Variants in SND1 observed in about 807,000 individuals in gnomAD.
SND1 encodes the protein staphylococcal nuclease and tudor domain containing 1.
Under a neutral mutation model 121.7 loss-of-function variants are expected in SND1, and 38 were observed. That is an observed-to-expected ratio of 0.31 (90% confidence interval 0.24 to 0.41). SND1 has a LOEUF of 0.41. Ranked by LOEUF, SND1 falls within the 10% of genes least tolerant of loss-of-function variation. The probability of loss-of-function intolerance (pLI) is 1.00; values close to 1 mark genes in which losing one functional copy is unlikely to be tolerated. For synonymous variants in SND1, 401 were observed against 447.4 expected (o/e 0.90, Z 1.31); for missense variants, 868 against 1,184.6 (o/e 0.73, Z 3.92).
At chr7:127,987,494 C>T (rs1802421424) in intron 15 of SND1, among the ~76,000 whole-genome samples, 1 of 152,170 alleles carries the variant, frequency 6.6e-6, no homozygotes, top group South Asian at 2.1e-4. Flanking sequence ...CTTTTTGGCT[C>T]AGAATGTTAC....
At chr7:127,814,835 G>A (rs1045785726) in intron 11 of SND1, among the ~76,000 whole-genome samples, 1 of 152,128 alleles carries the variant, frequency 6.6e-6, no homozygotes, top group East Asian at 1.9e-4. Flanking sequence ...ATGCACAAGT[G>A]TCTGTTGGTT....
At position 127,922,192 on chromosome 7, in the gene SND1, T is replaced by TG. The variant is rs1432959209; in HGVS notation, c.1528-6996_1528-6995insG. On this transcript the variant is annotated intron_variant, in intron 14 of 23. Coordinates refer to ENST00000354725, the MANE Select transcript of SND1 (RefSeq NM_014390.4). ...TTTCTTTCCTTTTTTTTTTTTTTTT[T>TG]TTTTTTTTTTTGTTTTGTGAGGCAA... Among the ~76,000 whole-genome samples the TG allele has an allele frequency of 9.3e-4, 102 of 109,236 alleles. 1 individual carries two copies. Among genetic ancestry groups the TG allele is most frequent in the African/African-American group, 2.9e-3 (87 of 30,410 alleles). The allele number at this position is 109,236 out of a possible 152,430, so 71.7% of individuals were successfully genotyped here. A position where few individuals can be genotyped will look rare whatever the true frequency, so the allele number is the denominator to read the frequency against.
At chr7:128,072,272 G>A (rs1793426239) in intron 16 of SND1, among the ~76,000 whole-genome samples, 1 of 152,196 alleles carries the variant, frequency 6.6e-6, no homozygotes, top group Non-Finnish European at 1.5e-5. Flanking sequence ...AGCCACACTG[G>A]CCCACCACAA....
intron 12 of SND1, among the ~76,000 whole-genome samples, chr7:127,869,351 G>A (rs1799536313): frequency 6.6e-6 from 1 of 152,168 alleles, no homozygotes; most frequent in Non-Finnish European, 1.5e-5. Flanking sequence ...CAGACCTGTA[G>A]GCTGTACATG....
intron 16 of SND1, chr7:128,030,532 C>G: frequency 1.2e-6 from 2 of 1,613,288 alleles, no homozygotes; most frequent in South Asian, 2.2e-5. Context: ...GAGGCGGCAG[C>G]AGCGATGGCT....
intron 10 of SND1, among the ~76,000 whole-genome samples, chr7:127,760,054 C>T (rs1372639542): frequency 2.0e-5 from 3 of 152,274 alleles, no homozygotes; most frequent in South Asian, 2.1e-4. Context: ...GGCTTGGTTT[C>T]GGACTCCTCA....
chr7:127,979,969 T>C (rs1046784909), intron 15 of SND1, among the ~76,000 whole-genome samples: 5 of 152,206 alleles, frequency 3.3e-5, no homozygotes, highest in African/African-American at 1.2e-4. Flanking sequence ...CAAATGCCAT[T>C]CTTGACCCAC....
In SND1 at chr7:128,029,626, A is replaced by T; in HGVS notation, c.1779+38570A>T. 6.2e-7 allele frequency: 1 copy of T among 1,614,056 alleles called. No individual in the cohort carries two copies. The highest frequency in any genetic ancestry group is 8.5e-7 in the Non-Finnish European group (1 of 1,180,016). ...GAGGCCTGGTCCACCTCCACGAGGT[A>T]GCGGCCTCGCATGTGCATGGGAGCA... On this transcript the variant is annotated intron_variant, in intron 16 of 23. Coordinates refer to ENST00000354725, the MANE Select transcript of SND1 (RefSeq NM_014390.4). The surrounding 1 kb of genome is among the most constrained non-coding windows in gnomAD (Gnocchi z 4.2).
At chr7:128,075,734 G>C (rs1394984767) in intron 17 of SND1, among the ~76,000 whole-genome samples, 1 of 152,162 alleles carries the variant, frequency 6.6e-6, no homozygotes. Context: ...TGAAAGGGAC[G>C]GTCAGTGCCC....
chr7:128,031,496 C>A, intron 16 of SND1: 1 of 151,736 alleles, frequency 6.6e-6, no homozygotes. Flanking sequence ...TCGCCCTCCC[C>A]AGACACACAC....
At chr7:127,919,618 T>C (rs993468852) in intron 14 of SND1, among the ~76,000 whole-genome samples, 4 of 152,224 alleles carry the variant, frequency 2.6e-5, no homozygotes, top group African/African-American at 9.6e-5. Flanking sequence ...CTTTATTTTG[T>C]ATTCTCAATG....
intron 12 of SND1, chr7:127,858,143 G>T: frequency 8.3e-6 from 7 of 839,766 alleles, no homozygotes; most frequent in South Asian, 4.0e-5. Flanking sequence ...GAGTGTGGGG[G>T]TGTGGGATTG....
chr7:127,694,834 G>C lies in SND1; in HGVS notation c.235G>C (p.Ala79Pro). 6.2e-7 allele frequency: 1 copy of C among 1,613,908 alleles called. No homozygotes were observed. Among genetic ancestry groups the C allele is most frequent in the Non-Finnish European group, 8.5e-7 (1 of 1,179,870 alleles). Reference sequence around the variant, plus strand: ...TATTTGTTTTGTCTTTCAGCCCTGGGCATTTCCAGCTCGAGAGTTCCTTCG... The same window carrying C: ...TATTTGTTTTGTCTTTCAGCCCTGGCCATTTCCAGCTCGAGAGTTCCTTCG... ...DAKDTPDEPW[A>P]FPAREFLRKK... The change falls in exon 3 of 24, where the codon GCA becomes CCA. Residue 79 changes from alanine (A) to proline (P), a missense_variant. This residue lies in a region of SND1 where 743 missense variants were observed against 1,071.3 expected (regional missense o/e 0.69). Coordinates refer to ENST00000354725, the MANE Select transcript of SND1 (RefSeq NM_014390.4).
rs560131285 is a variant in SND1, at chr7:127,740,277, G to A, written c.1152+18877G>A. ...ATTAGGCATCTATTGAATGGATAAG[G>A]TTTGTAAAAAAGCCATTTTCTTTAG... On this transcript the variant is annotated intron_variant, in intron 10 of 23. Transcript: ENST00000354725. Among the ~76,000 whole-genome samples the A allele has an allele frequency of 3.3e-5, 5 of 152,136 alleles. No individual in the cohort carries two copies. In the South Asian group the frequency reaches 1.0e-3, roughly 31 times the overall value.
intron 16 of SND1, among the ~76,000 whole-genome samples, chr7:127,996,525 G>A (rs1802661556): frequency 6.6e-6 from 1 of 152,116 alleles, no homozygotes; most frequent in African/African-American, 2.4e-5. Context: ...ACAAGAGAGG[G>A]AACACTAGCA....
chr7:127,858,105 T>C (rs1799315249), intron 12 of SND1: 2 of 906,718 alleles, frequency 2.2e-6, no homozygotes, highest in Non-Finnish European at 3.7e-6. Flanking sequence ...GTTCCCCCTC[T>C]GCCACTTCCT....
intron 15 of SND1, among the ~76,000 whole-genome samples, chr7:127,960,925 G>A (rs888132954): frequency 1.3e-5 from 2 of 152,234 alleles, no homozygotes; most frequent in African/African-American, 4.8e-5. Flanking sequence ...CCCAAGAGAA[G>A]TTTGGTCTTG....
At chr7:127,904,649 A>G (rs941750369) in intron 13 of SND1, 98 bp from the exon 14 acceptor site, 7 of 743,016 alleles carry the variant, frequency 9.4e-6, no homozygotes, top group Non-Finnish European at 1.7e-5. Context: ...ATACATCCCC[A>G]CTTTAACAAC....
At chr7:127,684,516 G>A (rs1352945463) in intron 1 of SND1, among the ~76,000 whole-genome samples, 1 of 152,200 alleles carries the variant, frequency 6.6e-6, no homozygotes, top group East Asian at 1.9e-4. Context: ...GAGTCAGGAA[G>A]CTCTCCTTTT....
Sources: gnomAD v4.1 joint callset for allele counts (sites outside exome capture counted in the v4.1 genomes callset) on GRCh38, gnomAD v4.1.1 for gene constraint, gnomAD v4.1.1 regional missense constraint, Gnocchi (gnomAD v3.1) non-coding constraint, MANE v1.5 for transcripts, NCBI Gene and HGNC (gene_info 2026-07-23, HGNC 2026-07-21) for gene names.